TTYH2: variants seen among roughly 807,000 people sequenced by gnomAD.
TTYH2 encodes the protein protein tweety homolog 2.
TTYH2 carries 49 observed loss-of-function variants against 68.3 expected under a neutral mutation model. The observed-to-expected ratio is 0.72, with a 90% CI of 0.57 to 0.91. The LOEUF (loss-of-function observed/expected upper bound fraction) is 0.91, where lower values mean the gene tolerates loss of function less well. TTYH2 is among the 40% of genes least tolerant of loss of function. TTYH2 has a pLI of 0.00. For missense variants in TTYH2, 631 were observed against 700.4 expected (o/e 0.90, Z 1.12); for synonymous variants, 272 against 300.8 (o/e 0.90, Z 0.99).
At chr17:74,228,189 G>A (rs2050351517) in intron 2 of TTYH2, among the ~76,000 whole-genome samples, 1 of 151,948 alleles carries the variant, frequency 6.6e-6, no homozygotes, top group African/African-American at 2.4e-5. Context: ...TCGCCATGTT[G>A]GCCAGGCTGG....
intron 2 of TTYH2, among the ~76,000 whole-genome samples, chr17:74,227,342 C>A (rs142994184): frequency 4.6e-5 from 7 of 151,970 alleles, no homozygotes; most frequent in Admixed American, 2.0e-4. Context: ...CCACAGGGCC[C>A]GAGAGAATAG....
At chr17:74,248,228 G>T in intron 6 of TTYH2, 3 of 973,306 alleles carry the variant, frequency 3.1e-6, no homozygotes, top group Non-Finnish European at 3.7e-6. Context: ...TCTGGAAGGC[G>T]GAGGCCCCCC....
chr17:74,221,294 C>A (rs369626666), intron 1 of TTYH2, among the ~76,000 whole-genome samples: 1 of 152,194 alleles, frequency 6.6e-6, no homozygotes, highest in African/African-American at 2.4e-5. Flanking sequence ...AGGTGTCTGT[C>A]CCCCTGGAAA....
chr17:74,221,839 T>C (rs1340237746), intron 1 of TTYH2, among the ~76,000 whole-genome samples: 1 of 152,064 alleles, frequency 6.6e-6, no homozygotes, highest in Non-Finnish European at 1.5e-5. Context: ...ATCCTGACTA[T>C]CCCGCCCCCT....
rs545972283 is a variant in TTYH2, at chr17:74,227,789, C to G, written c.303-3099C>G. ...TTTTTTTTAATGTCTCCTGCCCCCCCATCTTGGATGATACAGGAACCTCAT... is the reference window on the plus strand; with the variant it reads ...TTTTTTTTAATGTCTCCTGCCCCCCGATCTTGGATGATACAGGAACCTCAT... On this transcript the variant is annotated intron_variant, in intron 2 of 13. Transcript: ENST00000269346. Among the ~76,000 whole-genome samples the G allele has an allele frequency of 1.1e-4, 16 of 150,374 alleles. 1 individual carries two copies. The highest frequency in any genetic ancestry group is 3.5e-4 in the African/African-American group (14 of 40,578).
intron 12 of TTYH2, 60 bp downstream of exon 12, chr17:74,253,326 G>A (rs774314512): frequency 6.6e-6 from 10 of 1,508,986 alleles, no homozygotes; most frequent in Non-Finnish European, 8.8e-6. Flanking sequence ...GTTGGGTGGG[G>A]TCCACAGTGC....
chr17:74,249,163 GCCATCCAAC>G (rs2050592368), intron 7 of TTYH2, 83 bp downstream of exon 7: 7 of 1,595,800 alleles, frequency 4.4e-6, no homozygotes, highest in Non-Finnish European at 6.0e-6. Flanking sequence ...CAGCCCTGTA[GCCATCCAAC>G]CCCTCCTCAA....
Position 74,222,612 on chromosome 17 carries a change from CCTG to C in TTYH2, c.262_264del (p.Cys88del), listed in dbSNP as rs1271439085. The C allele has an allele frequency of 1.2e-6, 2 of 1,611,758 alleles. No individual in the cohort carries two copies. The highest frequency in any genetic ancestry group is 1.7e-6 in the Non-Finnish European group (2 of 1,179,978). On this transcript the variant is annotated inframe_deletion, in exon 2 of 14. Coordinates refer to ENST00000269346, the MANE Select transcript of TTYH2 (RefSeq NM_032646.6). The surrounding 1 kb of genome is among the most constrained non-coding windows in gnomAD (Gnocchi z 5.2). Reference sequence around the variant, plus strand: ...GCGGTGCAGACCAAGCAGCACCACTCCTGCTGCATCACCTGGACGGCCGTGGTG... The same window carrying C: ...GCGGTGCAGACCAAGCAGCACCACTCCTGCATCACCTGGACGGCCGTGGTG...
In TTYH2 at chr17:74,232,827, G is replaced by T. The variant is rs2050403594; in HGVS notation, c.414+1828G>T. Among the ~76,000 whole-genome samples, 1 of 152,186 alleles carries T rather than the reference G, an allele frequency of 6.6e-6. No homozygotes were observed. ...TATGGGAAAACATCAAGTCCTAGAAGTCCCTATCCCACAGGACGAGAGCTG... is the reference window on the plus strand; with the variant it reads ...TATGGGAAAACATCAAGTCCTAGAATTCCCTATCCCACAGGACGAGAGCTG... On this transcript the variant is annotated intron_variant, in intron 3 of 13. Transcript: ENST00000269346. This position sits in a 1 kb window ranked among gnomAD's most constrained non-coding sequence, Gnocchi z 5.1.
chr17:74,250,482 A>T (rs1301654023), intron 10 of TTYH2, 125 bp downstream of exon 10: 3 of 765,346 alleles, frequency 3.9e-6, no homozygotes, highest in Non-Finnish European at 6.3e-6. Context: ...CCAGGAATGG[A>T]ACTGAAGCCA....
intron 6 of TTYH2, among the ~76,000 whole-genome samples, chr17:74,247,160 C>T (rs142794153): frequency 0.02 from 2,772 of 137,938 alleles, 28 homozygotes; most frequent in Middle Eastern, 0.026. Flanking sequence ...CCAGCCTGGG[C>T]GACAGAGTGA....
At chr17:74,248,850 G>A in intron 6 of TTYH2, 161 bp from the exon 7 acceptor site, 2 of 1,461,486 alleles carry the variant, frequency 1.4e-6, no homozygotes, top group East Asian at 2.5e-5. Context: ...AGCTAGGAAG[G>A]GGCAGAGCCA....
rs2143740491 is a variant in TTYH2, at chr17:74,232,759, G to A, written c.414+1760G>A. Among the ~76,000 whole-genome samples the A allele has an allele frequency of 6.6e-6, 1 of 152,310 alleles. No individual in the cohort carries two copies. Among genetic ancestry groups the A allele is most frequent in the South Asian group, 2.1e-4 (1 of 4,830 alleles). ...CCTGCCCTGCCCAGGAAGGCACCAG[G>A]GCCATGACCTTCACGGGTTTAGAGA... On this transcript the variant is annotated intron_variant, in intron 3 of 13. Coordinates refer to ENST00000269346, the MANE Select transcript of TTYH2 (RefSeq NM_032646.6). The surrounding 1 kb of genome is among the most constrained non-coding windows in gnomAD (Gnocchi z 5.1).
intron 13 of TTYH2, among the ~76,000 whole-genome samples, chr17:74,255,081 C>T (rs1330114565): frequency 1.3e-5 from 2 of 152,178 alleles, no homozygotes; most frequent in East Asian, 3.9e-4. Flanking sequence ...GAGAAGTATC[C>T]AAAGGACACA....
chr17:74,259,794 T>C (rs1389935456), intron 13 of TTYH2, among the ~76,000 whole-genome samples: 2 of 152,174 alleles, frequency 1.3e-5, no homozygotes, highest in Admixed American at 6.5e-5. Flanking sequence ...TTGAACCTGC[T>C]TCTCTGAGTC....
chr17:74,235,087 A>C (rs1304877133), intron 3 of TTYH2, among the ~76,000 whole-genome samples: 2 of 152,218 alleles, frequency 1.3e-5, no homozygotes, highest in Non-Finnish European at 2.9e-5. Flanking sequence ...CATAAGCCAG[A>C]AAACGGAACA....
chr17:74,221,864 G>A (rs1420242104), intron 1 of TTYH2, among the ~76,000 whole-genome samples: 1 of 152,124 alleles, frequency 6.6e-6, no homozygotes, highest in Admixed American at 6.5e-5. Flanking sequence ...CATCCCCCAA[G>A]CATGGAGCTG....
chr17:74,224,005 G>A (rs73995089), intron 2 of TTYH2, among the ~76,000 whole-genome samples: 1,604 of 152,322 alleles, frequency 0.011, 35 homozygotes, highest in African/African-American at 0.035. Context: ...ATACATGGCC[G>A]GGGCTGAAAT....
chr17:74,252,194 C>T, intron 10 of TTYH2, 40 bp from the exon 11 acceptor site: 1 of 1,607,766 alleles, frequency 6.2e-7, no homozygotes. Flanking sequence ...GGCTTTGCCC[C>T]CGCTCCTTCA....
Sources: gnomAD v4.1 joint callset for allele counts (sites outside exome capture counted in the v4.1 genomes callset) on GRCh38, gnomAD v4.1.1 for gene constraint, Gnocchi (gnomAD v3.1) non-coding constraint, MANE v1.5 for transcripts, NCBI Gene and HGNC (gene_info 2026-07-23, HGNC 2026-07-21) for gene names.